Variants in CECR2 observed in about 807,000 individuals in gnomAD.
CECR2 encodes chromatin remodeling regulator CECR2.
In CECR2, 30 loss-of-function variants were observed where a neutral mutation model predicts 154.5. The observed-to-expected ratio is 0.19, with a 90% confidence interval of 0.15 to 0.26. The LOEUF (loss-of-function observed/expected upper bound fraction) is 0.26. Ranked by LOEUF, CECR2 falls within the 10% of genes least tolerant of loss-of-function variation. The pLI is 1.00. For synonymous variants in CECR2, 725 were observed against 683.7 expected (o/e 1.06, Z -0.94); for missense variants, 1,743 against 1,829.3 (o/e 0.95, Z 0.86).
In CECR2 at chr22:17,539,104, A is replaced by G; in HGVS notation, c.1480A>G (p.Asn494Asp). 6.2e-7 allele frequency: 1 copy of G among 1,613,560 alleles called. No homozygotes were observed. The highest frequency in any genetic ancestry group is 8.5e-7 in the Non-Finnish European group (1 of 1,179,846). ...KTMFRNCRKYNGESSEYTKMS... is the reference protein window; with the variant it reads ...KTMFRNCRKYDGESSEYTKMS... Reference sequence around the variant, plus strand: ...CATGTTCAGGAATTGTCGAAAGTATAATGGGGAAAGTAGTGGTAAGCAGGG... The same window carrying G: ...CATGTTCAGGAATTGTCGAAAGTATGATGGGGAAAGTAGTGGTAAGCAGGG... The change falls in exon 13 of 19, where the codon AAT (asparagine) becomes GAT (aspartate). Residue 494 changes from asparagine to aspartate, a missense_variant. Transcript: ENST00000262608.
intron 2 of CECR2, 36 bp from the exon 3 acceptor site, chr22:17,497,367 T>C: frequency 1.3e-6 from 2 of 1,562,804 alleles, no homozygotes; most frequent in South Asian, 1.2e-5. Context: ...CTATATTTTA[T>C]ATTAATGTAT....
intron 1 of CECR2, among the ~76,000 whole-genome samples, chr22:17,446,928 CTG>C (rs2054675968): frequency 7.5e-6 from 1 of 134,140 alleles, no homozygotes; most frequent in South Asian, 2.7e-4. Context: ...TTACAGAACA[CTG>C]GTGCATTTTT....
At chr22:17,429,456 C>T (rs1272074271) in intron 1 of CECR2, among the ~76,000 whole-genome samples, 4 of 149,998 alleles carry the variant, frequency 2.7e-5, no homozygotes, top group African/African-American at 9.9e-5. Context: ...AATCCCAGCA[C>T]TTTGGGAAGC....
intron 1 of CECR2, among the ~76,000 whole-genome samples, chr22:17,457,784 G>A (rs977815730): frequency 5.3e-5 from 8 of 152,200 alleles, no homozygotes; most frequent in Non-Finnish European, 1.0e-4. Flanking sequence ...CTTAACAAAA[G>A]CATGGTACAG....
At chr22:17,490,971 A>AT (rs1429831960) in intron 2 of CECR2, among the ~76,000 whole-genome samples, 1 of 152,204 alleles carries the variant, frequency 6.6e-6, no homozygotes, top group African/African-American at 2.4e-5. Context: ...AACTGGAGCC[A>AT]TATGGGAAGT....
chr22:17,400,158 A>G (rs1307710168), intron 1 of CECR2, among the ~76,000 whole-genome samples: 2 of 152,196 alleles, frequency 1.3e-5, no homozygotes, highest in Non-Finnish European at 2.9e-5. Flanking sequence ...CAAAGTACAC[A>G]TTAGTGTGAC....
rs2054646553 is a variant in CECR2, at chr22:17,445,547, TTA to T, written c.127-32039_127-32038del. Among the ~76,000 whole-genome samples the T allele has an allele frequency of 1.5e-3, 35 of 23,174 alleles. No homozygotes were observed. The African/African-American group carries it at 0.016, about 11-fold the overall frequency. The allele number at this position is 23,174 out of a possible 152,430, so 15.2% of individuals were successfully genotyped here. A position where few individuals can be genotyped will look rare whatever the true frequency, so the allele number is the denominator to read the frequency against. On this transcript the variant is annotated intron_variant, in intron 1 of 18. Coordinates refer to ENST00000262608, the MANE Select transcript of CECR2 (RefSeq NM_001290047.2). Reference sequence around the variant, plus strand: ...TATGCACATTCTGCTCTATACTTTATTATTATTATTATTATTATTATTATTAT... The same window carrying T: ...TATGCACATTCTGCTCTATACTTTATTTATTATTATTATTATTATTATTAT...
At chr22:17,481,902 G>A (rs1452713009) in intron 2 of CECR2, among the ~76,000 whole-genome samples, 1 of 151,758 alleles carries the variant, frequency 6.6e-6, no homozygotes, top group Non-Finnish European at 1.5e-5. Flanking sequence ...GGATCACCAG[G>A]TCAGGAGATC....
chr22:17,374,118 A>G (rs564820928), intron 1 of CECR2, among the ~76,000 whole-genome samples: 1 of 152,328 alleles, frequency 6.6e-6, no homozygotes, highest in South Asian at 2.1e-4. Context: ...ATGGTCGTGT[A>G]GAATTATTTG....
At chr22:17,463,897 G>A (rs991079204) in intron 1 of CECR2, among the ~76,000 whole-genome samples, 7 of 152,186 alleles carry the variant, frequency 4.6e-5, no homozygotes, top group African/African-American at 1.7e-4. Flanking sequence ...CAGCAGTAGA[G>A]TTGGAGGGCT....
At chr22:17,476,068 A>G (rs547736109) in intron 1 of CECR2, among the ~76,000 whole-genome samples, 15 of 150,794 alleles carry the variant, frequency 9.9e-5, no homozygotes, top group Non-Finnish European at 2.1e-4. Flanking sequence ...AGCTCACATT[A>G]CTCCCCTTCA....
At chr22:17,415,229 C>T (rs1569067528) in intron 1 of CECR2, among the ~76,000 whole-genome samples, 3 of 151,852 alleles carry the variant, frequency 2.0e-5, no homozygotes, top group East Asian at 3.9e-4. Flanking sequence ...CTCTTCTTCT[C>T]CTTCTTTGTT....
At chr22:17,542,042 G>C in intron 15 of CECR2, 75 bp downstream of exon 15, 2 of 1,575,014 alleles carry the variant, frequency 1.3e-6, no homozygotes, top group Non-Finnish European at 1.7e-6. Flanking sequence ...CTCTTTCCAG[G>C]TTAAATGTTG....
intron 1 of CECR2, among the ~76,000 whole-genome samples, chr22:17,471,596 T>C (rs1381583349): frequency 6.6e-6 from 1 of 152,108 alleles, no homozygotes; most frequent in African/African-American, 2.4e-5. Flanking sequence ...ATGCAGTGGG[T>C]GTGATCTCGG....
chr22:17,440,974 G>T (rs1220921855), intron 1 of CECR2, among the ~76,000 whole-genome samples: 1 of 148,320 alleles, frequency 6.7e-6, no homozygotes, highest in Non-Finnish European at 1.5e-5. Context: ...GGGGCAGGGG[G>T]CGGGATGGAG....
chr22:17,478,302 G>A (rs888154443), intron 2 of CECR2, among the ~76,000 whole-genome samples: 1 of 151,980 alleles, frequency 6.6e-6, no homozygotes, highest in African/African-American at 2.4e-5. Context: ...CCATGTAGGG[G>A]GTTTGAGTTG....
intron 1 of CECR2, among the ~76,000 whole-genome samples, chr22:17,397,373 C>T (rs2053827182): frequency 1.3e-5 from 2 of 152,154 alleles, no homozygotes; most frequent in African/African-American, 4.8e-5. Flanking sequence ...CTTAGGTGAT[C>T]CACCCGCCTT....
intron 1 of CECR2, among the ~76,000 whole-genome samples, chr22:17,432,734 C>T (rs1175837390): frequency 6.6e-6 from 1 of 152,148 alleles, no homozygotes; most frequent in African/African-American, 2.4e-5. Context: ...CTCCTGAGCT[C>T]AAGCAACCCT....
At chr22:17,539,307 GACAAT>G (rs2056485477) in intron 13 of CECR2, among the ~76,000 whole-genome samples, 188 bp downstream of exon 13, 1 of 152,182 alleles carries the variant, frequency 6.6e-6, no homozygotes, top group African/African-American at 2.4e-5. Flanking sequence ...TGCCCCACAG[GACAAT>G]AGAGTGCAGC....
Sources: allele counts gnomAD v4.1 joint callset (sites outside exome capture counted in the v4.1 genomes callset), GRCh38; gene constraint gnomAD v4.1.1; transcripts MANE v1.5; gene names NCBI Gene and HGNC (gene_info 2026-07-23, HGNC 2026-07-21).